ARHGAP31: variants seen among roughly 807,000 people sequenced by gnomAD.
ARHGAP31 encodes Rho GTPase activating protein 31.
A neutral mutation model predicts 113.9 loss-of-function variants in ARHGAP31; 34 were observed. The ratio of observed to expected loss-of-function variants is 0.30; its 90% CI spans 0.23 to 0.40. The LOEUF (loss-of-function observed/expected upper bound fraction) is 0.40, where lower values mean the gene tolerates loss of function less well. Among genes scored for constraint, ARHGAP31 ranks in the 10% least tolerant of loss-of-function variants. The pLI is 1.00. For missense variants in ARHGAP31, 1,548 were observed against 1,767.1 expected (o/e 0.88, Z 2.22); for synonymous variants, 650 against 684.8 (o/e 0.95, Z 0.79).
intron 1 of ARHGAP31, among the ~76,000 whole-genome samples, chr3:119,332,287 T>C (rs961355954): frequency 6.6e-6 from 1 of 151,800 alleles, no homozygotes; most frequent in Non-Finnish European, 1.5e-5. Context: ...GCAACCTCTG[T>C]CTCCCAGGTT....
chr3:119,312,045 C>A (rs2079687759), intron 1 of ARHGAP31, among the ~76,000 whole-genome samples: 1 of 152,244 alleles, frequency 6.6e-6, no homozygotes, highest in African/African-American at 2.4e-5. Context: ...TTTACAGGAA[C>A]CAATGGCTAC....
rs2080746125 is a variant in ARHGAP31 at position 119,414,225 on chromosome 3, C to A, written c.2296C>A (p.Gln766Lys). ...AGTTCCTTTTGAGAAGGCATCTCCA[C>A]AAGCAACAGTGGAAGTAGGAGGCCC... is the stretch of plus-strand genomic sequence containing the variant. ...EIVPFEKASPQATVEVGGPGN... is the reference protein window; with the variant it reads ...EIVPFEKASPKATVEVGGPGN... The change falls in exon 12 of 12, where the codon CAA becomes AAA. Residue 766 changes from glutamine to lysine, a missense_variant. Gln to Lys is a moderately conservative substitution (Grantham distance 53). Coordinates refer to ENST00000264245, the MANE Select transcript of ARHGAP31 (RefSeq NM_020754.4). 6.2e-7 allele frequency: 1 copy of A among 1,614,102 alleles called. No homozygotes were observed. Among genetic ancestry groups the A allele is most frequent in the Non-Finnish European group, 8.5e-7 (1 of 1,180,048 alleles).
intron 1 of ARHGAP31, among the ~76,000 whole-genome samples, chr3:119,315,377 C>T (rs1372830609): frequency 6.6e-6 from 1 of 152,120 alleles, no homozygotes; most frequent in Non-Finnish European, 1.5e-5. Context: ...TATAAGAAGC[C>T]CAAACCCAAT....
intron 1 of ARHGAP31, among the ~76,000 whole-genome samples, chr3:119,312,840 GA>G (rs1189490171): frequency 6.6e-6 from 1 of 152,146 alleles, no homozygotes; most frequent in East Asian, 1.9e-4. Context: ...TGCTACCCAG[GA>G]ACTAAAATTT....
intron 7 of ARHGAP31, among the ~76,000 whole-genome samples, chr3:119,391,528 G>A (rs917781808): frequency 2.6e-5 from 4 of 151,658 alleles, no homozygotes; most frequent in African/African-American, 9.7e-5. Flanking sequence ...TGTTTTCATT[G>A]GTAGAATATT....
chr3:119,348,510 T>A (rs1407973998), intron 1 of ARHGAP31, among the ~76,000 whole-genome samples: 1 of 152,206 alleles, frequency 6.6e-6, no homozygotes, highest in Non-Finnish European at 1.5e-5. Flanking sequence ...TAAAAAGAGT[T>A]GTCTCCTGGT....
chr3:119,297,854 G>C (rs760719675), intron 1 of ARHGAP31, among the ~76,000 whole-genome samples: 2 of 151,564 alleles, frequency 1.3e-5, no homozygotes, highest in African/African-American at 4.9e-5. Flanking sequence ...CTCAGGGCCA[G>C]TTGTCAACCT....
chr3:119,304,819 C>G (rs1424237106), intron 1 of ARHGAP31, among the ~76,000 whole-genome samples: 1 of 151,840 alleles, frequency 6.6e-6, no homozygotes, highest in Non-Finnish European at 1.5e-5. Context: ...TGCTTGAACC[C>G]GGGAGGCACA....
intron 1 of ARHGAP31, among the ~76,000 whole-genome samples, chr3:119,327,231 G>T (rs574185714): frequency 1.9e-4 from 29 of 152,266 alleles, no homozygotes; most frequent in African/African-American, 6.5e-4. Flanking sequence ...ATTTAAAGGG[G>T]CTTGACCACT....
intron 1 of ARHGAP31, among the ~76,000 whole-genome samples, chr3:119,316,554 AC>A (rs1187063507): frequency 2.2e-4 from 34 of 152,190 alleles, no homozygotes; most frequent in African/African-American, 7.7e-4. Flanking sequence ...TCTCTCTGAA[AC>A]CCTGAGCTGG....
chr3:119,394,601 A>G (rs2080531879), intron 8 of ARHGAP31, among the ~76,000 whole-genome samples: 9 of 152,154 alleles, frequency 5.9e-5, no homozygotes, highest in Admixed American at 5.9e-4. Context: ...TGTAAAAGAG[A>G]AATGTACAAA....
rs71156743 is a variant in ARHGAP31 at position 119,332,635 on chromosome 3, TCACACACACACACACACA to T, written c.101-32657_101-32640del. Among the ~76,000 whole-genome samples the T allele has an allele frequency of 4.7e-5, 4 of 85,728 alleles. 1 individual carries two copies. The East Asian group carries it at 1.0e-3, about 22-fold the overall frequency. The allele number at this position is 85,728 out of a possible 152,430, so 56.2% of individuals were successfully genotyped here. A position where few individuals can be genotyped will look rare whatever the true frequency, so the allele number is the denominator to read the frequency against. On this transcript the variant is annotated intron_variant, in intron 1 of 11. Transcript: ENST00000264245. ...CTCTCTCTCTCTCTCTCTCTCTCTC[TCACACACACACACACACA>T]CACACACACACACACACACACACGC...
chr3:119,412,363 G>T (rs537781025), intron 11 of ARHGAP31, among the ~76,000 whole-genome samples: 25 of 151,818 alleles, frequency 1.6e-4, no homozygotes, highest in Non-Finnish European at 3.4e-4. Flanking sequence ...ACTCCAGCCT[G>T]GGTGACAAAA....
Position 119,416,258 on chromosome 3 carries a change from A to C in ARHGAP31, c.4329A>C (p.Ile1443=), listed in dbSNP as rs2080777032. 6.2e-7 allele frequency: 1 copy of C among 1,613,764 alleles called. No individual in the cohort carries two copies. ...VILDGRSGRQ[I]E ...TGGATGGAAGAAGTGGGAGGCAAAT[A>C]GAATGATTTCGGTTCACCTGCTGGT... Residue 1443 remains isoleucine (I), a synonymous_variant, in exon 12 of 12, where the codon ATA becomes ATC. Coordinates refer to ENST00000264245, the MANE Select transcript of ARHGAP31 (RefSeq NM_020754.4).
At chr3:119,325,479 G>C (rs937417179) in intron 1 of ARHGAP31, among the ~76,000 whole-genome samples, 2 of 152,164 alleles carry the variant, frequency 1.3e-5, no homozygotes, top group Admixed American at 1.3e-4. Context: ...CACACTGCTG[G>C]GTCGGGAGTC....
intron 1 of ARHGAP31, among the ~76,000 whole-genome samples, chr3:119,317,133 T>C (rs1481989059): frequency 6.6e-6 from 1 of 152,192 alleles, no homozygotes; most frequent in Non-Finnish European, 1.5e-5. Flanking sequence ...TAATATGTAA[T>C]GTGATGTTTT....
chr3:119,337,132 C>T (rs933189064), intron 1 of ARHGAP31, among the ~76,000 whole-genome samples: 1 of 152,136 alleles, frequency 6.6e-6, no homozygotes, highest in Admixed American at 6.5e-5. Context: ...AGCTCTTGGT[C>T]TTGCTCACTT....
At chr3:119,392,769 A>C (rs1358346529) in intron 7 of ARHGAP31, among the ~76,000 whole-genome samples, 1 of 151,938 alleles carries the variant, frequency 6.6e-6, no homozygotes, top group Non-Finnish European at 1.5e-5. Context: ...GCAGGCTGCT[A>C]CTCTCCTCAG....
chr3:119,404,283 C>T (rs575553282), intron 10 of ARHGAP31, among the ~76,000 whole-genome samples: 17 of 152,208 alleles, frequency 1.1e-4, no homozygotes, highest in Non-Finnish European at 1.6e-4. Flanking sequence ...TTCCCCCTCT[C>T]TCCTCTCTAT....
Sources: gnomAD v4.1 joint callset for allele counts (sites outside exome capture counted in the v4.1 genomes callset) on GRCh38, gnomAD v4.1.1 for gene constraint, MANE v1.5 for transcripts, NCBI Gene and HGNC (gene_info 2026-07-23, HGNC 2026-07-21) for gene names.